Variants in PCDHA1 observed in about 807,000 individuals in gnomAD.
The protein encoded by PCDHA1 is protocadherin alpha 1.
Under a neutral mutation model 61.3 loss-of-function variants are expected in PCDHA1, and 42 were observed. The ratio of observed to expected loss-of-function variants is 0.69; its 90% CI spans 0.54 to 0.89. PCDHA1 has a LOEUF of 0.89. Among genes scored for constraint, PCDHA1 ranks in the 40% least tolerant of loss-of-function variants. The probability of loss-of-function intolerance (pLI) is 0.00; values close to 1 mark genes in which losing one functional copy is unlikely to be tolerated. For missense variants in PCDHA1, 1,256 were observed against 1,235.3 expected, an observed-to-expected ratio of 1.02 and a Z score of -0.25; for synonymous variants, 610 against 553.8, an observed-to-expected ratio of 1.10 and a Z score of -1.43.
At chr5:140,980,436 C>T (rs1364418994) in intron 2 of PCDHA1, among the ~76,000 whole-genome samples, 1 of 152,134 alleles carries the variant, frequency 6.6e-6, no homozygotes, top group Admixed American at 6.5e-5. Context: ...TCGAGACCAT[C>T]CTGGACAACA....
chr5:140,892,595 AT>A (rs1385818954), intron 1 of PCDHA1, among the ~76,000 whole-genome samples: 1 of 151,958 alleles, frequency 6.6e-6, no homozygotes, highest in African/African-American at 2.4e-5. Flanking sequence ...TCATTCACCT[AT>A]TTTTTTCCTT....
chr5:140,954,777 T>C (rs1563274185), intron 1 of PCDHA1, among the ~76,000 whole-genome samples: 1 of 152,214 alleles, frequency 6.6e-6, no homozygotes, highest in African/African-American at 2.4e-5. Flanking sequence ...TTAATTTAAT[T>C]AGATCTCATT....
chr5:140,836,887 T>C, intron 1 of PCDHA1: 1 of 643,788 alleles, frequency 1.6e-6, no homozygotes, highest in South Asian at 2.6e-5. Context: ...CACTAATTAT[T>C]TGGAAGTACG....
intron 1 of PCDHA1, chr5:140,849,776 G>T: frequency 6.3e-7 from 1 of 1,598,464 alleles, no homozygotes; most frequent in Non-Finnish European, 8.6e-7. Flanking sequence ...TGGTTACCGC[G>T]CGGGACGGGG....
intron 1 of PCDHA1, among the ~76,000 whole-genome samples, chr5:140,905,814 G>A (rs1303983123): frequency 6.6e-6 from 1 of 152,090 alleles, no homozygotes; most frequent in South Asian, 2.1e-4. Flanking sequence ...GAATTAATAG[G>A]CTAGATGTGT....
intron 1 of PCDHA1, among the ~76,000 whole-genome samples, chr5:140,955,017 T>G (rs1157818120): frequency 6.6e-6 from 1 of 152,186 alleles, no homozygotes. Context: ...CCAGCACCAT[T>G]TATTAAATAG....
At chr5:140,944,792 G>C (rs1411963111) in intron 1 of PCDHA1, among the ~76,000 whole-genome samples, 3 of 152,138 alleles carry the variant, frequency 2.0e-5, no homozygotes, top group African/African-American at 7.2e-5. Context: ...TATTTTACAA[G>C]TCTGTCGAGG....
chr5:140,909,210 G>A (rs2074375008), intron 1 of PCDHA1, among the ~76,000 whole-genome samples: 1 of 152,186 alleles, frequency 6.6e-6, no homozygotes, highest in Non-Finnish European at 1.5e-5. Context: ...CCGGAGAGTT[G>A]ATATACCCCT....
Position 140,871,448 on chromosome 5 carries a change from A to G in PCDHA1, c.2394+82764A>G, listed in dbSNP as rs2053088391. On this transcript the variant is annotated intron_variant, in intron 1 of 3. Transcript: ENST00000504120. ...AGTCTTCCTCTAGGTCTGAATAAAG[A>G]GGAGGAAGGGGAAAGACAGGAGCCA... 2 of 1,609,780 alleles carry G rather than the reference A, an allele frequency of 1.2e-6. No homozygotes were observed. Among genetic ancestry groups the G allele is most frequent in the African/African-American group, 2.7e-5 (2 of 74,984 alleles).
chr5:140,986,291 A>C (rs1554247870), intron 3 of PCDHA1, among the ~76,000 whole-genome samples: 1 of 152,142 alleles, frequency 6.6e-6, no homozygotes, highest in East Asian at 1.9e-4. Context: ...CTTGAGACTG[A>C]GCAGAGAGAG....
chr5:140,914,815 GACTGCATAAACAAAAAACAAACACACAA>G (rs2076856567), intron 1 of PCDHA1, among the ~76,000 whole-genome samples: 1 of 151,986 alleles, frequency 6.6e-6, no homozygotes, highest in Non-Finnish European at 1.5e-5. Context: ...CAACTTAACA[GACTGCATAAACAAAAAACAAACACACAA>G]AAGGAAGACT....
At chr5:140,841,276 T>A in intron 1 of PCDHA1, 67 of 1,485,756 alleles carry the variant, frequency 4.5e-5, no homozygotes, top group Middle Eastern at 1.8e-4. Flanking sequence ...CAGTCGTTCA[T>A]CTTTATATTA....
chr5:140,859,369 T>C (rs1469149070), intron 1 of PCDHA1: 1 of 262,962 alleles, frequency 3.8e-6, no homozygotes, highest in Non-Finnish European at 7.0e-6. Flanking sequence ...TATTGTATAG[T>C]TTAATAGCTT....
At chr5:140,877,930 C>T (rs2057400413) in intron 1 of PCDHA1, 1 of 1,411,700 alleles carries the variant, frequency 7.1e-7, no homozygotes, top group East Asian at 2.5e-5. Flanking sequence ...CTTTATGATT[C>T]TATCCTTTAA....
At chr5:140,828,503 CAA>C (rs2150156146) in intron 1 of PCDHA1, 9 of 1,614,120 alleles carry the variant, frequency 5.6e-6, no homozygotes, top group East Asian at 4.5e-5. Flanking sequence ...GGTAGAGGAA[CAA>C]AGAGTGCTGA....
At position 140,877,018 on chromosome 5, in the gene PCDHA1, A is replaced by C; in HGVS notation, c.2394+88334A>C. On this transcript the variant is annotated intron_variant, in intron 1 of 3. Transcript: ENST00000504120. ...CGTGTCGGTGCACGCGGAGAGCGGC[A>C]AGGTGTACGCGCTGCAGCCGCTAGA... 1 of 1,612,420 alleles carries C rather than the reference A, an allele frequency of 6.2e-7. No homozygotes were observed. Among genetic ancestry groups the C allele is most frequent in the Non-Finnish European group, 8.5e-7 (1 of 1,179,802 alleles).
intron 1 of PCDHA1, among the ~76,000 whole-genome samples, chr5:140,874,488 A>G (rs1452122658): frequency 2.0e-5 from 3 of 152,254 alleles, no homozygotes; most frequent in African/African-American, 7.2e-5. Flanking sequence ...CAAAAGGTTG[A>G]TATCAAGTTC....
intron 1 of PCDHA1, chr5:140,843,835 T>G: frequency 5.5e-6 from 6 of 1,094,648 alleles, no homozygotes; most frequent in Non-Finnish European, 5.3e-6. Context: ...CATTGTTTAG[T>G]TTTTAGAAAC....
intron 1 of PCDHA1, chr5:140,841,685 G>T (rs1332759626): frequency 6.2e-7 from 1 of 1,613,842 alleles, no homozygotes; most frequent in Non-Finnish European, 8.5e-7. Context: ...TGTGGACGTG[G>T]AGGTGAAGGA....
Sources: allele counts gnomAD v4.1 joint callset (sites outside exome capture counted in the v4.1 genomes callset), GRCh38; gene constraint gnomAD v4.1.1; transcripts MANE v1.5; gene names NCBI Gene and HGNC (gene_info 2026-07-23, HGNC 2026-07-21).